The following NLRP11 variants were observed in gnomAD, a reference collection of about 807,000 sequenced individuals.
The protein encoded by NLRP11 is NLR family pyrin domain containing 11, also known as NACHT, LRR and PYD domains-containing protein 11.
In NLRP11, 53 loss-of-function variants were observed where a neutral mutation model predicts 79.3. The observed-to-expected ratio is 0.67, with a 90% CI of 0.54 to 0.84. The LOEUF is 0.84. Ranked by LOEUF, NLRP11 falls within the 40% of genes least tolerant of loss-of-function variation. The probability of loss-of-function intolerance (pLI) is 0.00; values close to 1 mark genes in which losing one functional copy is unlikely to be tolerated. For synonymous variants in NLRP11, 518 were observed against 462.6 expected (o/e 1.12, Z -1.54); for missense variants, 1,264 against 1,255.0 (o/e 1.01, Z -0.11).
At chr19:55,788,823 C>A in exon 9 of NLRP11, 5 of 1,533,514 alleles carry the variant, frequency 3.3e-6, no homozygotes, top group South Asian at 2.2e-5. Flanking sequence ...ACCTTAAGTA[C>A]ACAATCTGGG....
intron 6 of NLRP11, among the ~76,000 whole-genome samples, chr19:55,793,370 A>G (rs113084557): frequency 0.028 from 4,249 of 151,942 alleles, 150 homozygotes; most frequent in African/African-American, 0.087. Flanking sequence ...GGACTTCGAG[A>G]CTAGCCTGGT....
chr19:55,798,038 C>T (rs1196867031), intron 5 of NLRP11, among the ~76,000 whole-genome samples: 1 of 151,432 alleles, frequency 6.6e-6, no homozygotes, highest in Non-Finnish European at 1.5e-5. Flanking sequence ...CCCTTGTCAC[C>T]CAGGCTGGTG....
In NLRP11 at chr19:55,823,663, G is replaced by A. The variant is rs1402254902; in HGVS notation, c.-62-5427C>T. 3.4e-5 allele frequency among the ~76,000 whole-genome samples: 5 copies of A among 148,382 alleles called. 1 individual carries two copies. The highest frequency in any genetic ancestry group is 5.1e-5 in the African/African-American group (2 of 39,338). ...CGATCAACTGGAAGAAAGGGTATCA[G>A]CAATGGAAGACGAAATGAATGAAAT... On this transcript the variant is annotated intron_variant, in intron 1 of 9. Transcript: ENST00000589093.
intron 6 of NLRP11, among the ~76,000 whole-genome samples, chr19:55,795,035 C>T (rs1484263781): frequency 2.0e-5 from 3 of 152,112 alleles, no homozygotes; most frequent in Admixed American, 6.6e-5. Flanking sequence ...AACGGGGAAT[C>T]ATGTCCTTAA....
chr19:55,813,248 A>C (rs1183832242), intron 2 of NLRP11, among the ~76,000 whole-genome samples: 1 of 152,170 alleles, frequency 6.6e-6, no homozygotes, highest in Non-Finnish European at 1.5e-5. Context: ...GAATCACTTG[A>C]ACCAAGGAAG....
intron 7 of NLRP11, among the ~76,000 whole-genome samples, chr19:55,789,951 C>T (rs1990136676): frequency 6.6e-6 from 1 of 152,196 alleles, no homozygotes; most frequent in South Asian, 2.1e-4. Context: ...TCTACTCCTA[C>T]AATCCTACTT....
rs1238667416 is a variant in NLRP11 at position 55,786,480 on chromosome 19, C to T, written c.2856-609G>A. ...AGGCTGCAGTGAGCCATGATCACAC[C>T]ACTGCTCTCCAGCCTGAGTGACAGA... On this transcript the variant is annotated intron_variant, in intron 9 of 9. Coordinates refer to ENST00000589093, the Ensembl canonical transcript of NLRP11. Among the ~76,000 whole-genome samples, 3 of 152,002 alleles carry T rather than the reference C, an allele frequency of 2.0e-5. No homozygotes were observed. The East Asian group carries it at 5.8e-4, about 29-fold the overall frequency.
chr19:55,789,538 A>T (rs1349638754), intron 7 of NLRP11, 139 bp from the exon 8 acceptor site: 1 of 723,364 alleles, frequency 1.4e-6, no homozygotes, highest in Non-Finnish European at 2.3e-6. Context: ...CAGTGTTAAC[A>T]TCTACAGGTC....
intron 9 of NLRP11, among the ~76,000 whole-genome samples, chr19:55,788,521 A>T (rs1384916787): frequency 6.6e-6 from 1 of 151,772 alleles, no homozygotes; most frequent in Non-Finnish European, 1.5e-5. Flanking sequence ...TGGACAGATC[A>T]TGAGGTCAGG....
chr19:55,814,088 T>A (rs1173054580), intron 2 of NLRP11, among the ~76,000 whole-genome samples: 2 of 152,114 alleles, frequency 1.3e-5, no homozygotes, highest in East Asian at 3.9e-4. Flanking sequence ...CCGCTCCCCA[T>A]CGCTCACATT....
At chr19:55,795,276 T>G (rs1978718770) in intron 6 of NLRP11, among the ~76,000 whole-genome samples, 1 of 152,118 alleles carries the variant, frequency 6.6e-6, no homozygotes, top group Non-Finnish European at 1.5e-5. Context: ...GTCTTCCACC[T>G]TCTTGAAAGG....
chr19:55,793,032 A>G (rs920170981), intron 6 of NLRP11, among the ~76,000 whole-genome samples: 22 of 151,814 alleles, frequency 1.4e-4, no homozygotes, highest in African/African-American at 5.3e-4. Flanking sequence ...TTTTTTTTCC[A>G]TTATTTATTT....
At chr19:55,807,265 C>A (rs4500859) in intron 4 of NLRP11, among the ~76,000 whole-genome samples, 23,107 of 151,954 alleles carry the variant, frequency 0.15, 2,212 homozygotes, top group African/African-American at 0.27. Context: ...TATTTTAGTG[C>A]CATTTCCTAT....
intron 4 of NLRP11, among the ~76,000 whole-genome samples, chr19:55,804,769 A>G (rs1387313391): frequency 6.6e-6 from 1 of 151,988 alleles, no homozygotes; most frequent in African/African-American, 2.4e-5. Flanking sequence ...GAAGTTAAAA[A>G]AATAACAATT....
exon 3 of NLRP11, chr19:55,808,886 T>C: frequency 6.2e-7 from 1 of 1,614,142 alleles, no homozygotes; most frequent in African/African-American, 1.3e-5. Flanking sequence ...CATATCCTTG[T>C]CTGATTGAAG....
chr19:55,806,465 T>C (rs940859950), intron 4 of NLRP11, among the ~76,000 whole-genome samples: 1 of 152,194 alleles, frequency 6.6e-6, no homozygotes, highest in African/African-American at 2.4e-5. Flanking sequence ...CTAGATTTAA[T>C]CAAGGAATCA....
intron 5 of NLRP11, among the ~76,000 whole-genome samples, chr19:55,797,949 G>A (rs1600179784): frequency 6.6e-6 from 1 of 151,898 alleles, no homozygotes; most frequent in African/African-American, 2.4e-5. Flanking sequence ...GATGGGGAGA[G>A]GGTTAGCCAG....
At chr19:55,795,483 C>A (rs192304557) in intron 6 of NLRP11, among the ~76,000 whole-genome samples, 1 of 151,670 alleles carries the variant, frequency 6.6e-6, no homozygotes, top group Non-Finnish European at 1.5e-5. Context: ...GTTGTGACCA[C>A]CATTTTTTAT....
At chr19:55,799,609 T>C (rs1287228594) in intron 5 of NLRP11, among the ~76,000 whole-genome samples, 2 of 151,320 alleles carry the variant, frequency 1.3e-5, no homozygotes, top group Admixed American at 6.6e-5. Flanking sequence ...GGCAACAGAG[T>C]TGGGATTTAG....
Sources: allele counts gnomAD v4.1 joint callset (sites outside exome capture counted in the v4.1 genomes callset), GRCh38; gene constraint gnomAD v4.1.1; transcripts MANE v1.5; gene names NCBI Gene and HGNC (gene_info 2026-07-23, HGNC 2026-07-21).